RNF130: variants seen among roughly 807,000 people sequenced by gnomAD.
RNF130 encodes E3 ubiquitin-protein ligase RNF130.
RNF130 carries 21 observed loss-of-function variants against 44.6 expected under a neutral mutation model. That is an observed-to-expected ratio of 0.47 (90% CI 0.33 to 0.68). The LOEUF is 0.68. RNF130 is among the 30% of genes least tolerant of loss of function. The pLI is 0.02. For synonymous variants in RNF130, 214 were observed against 210.4 expected (o/e 1.02, Z -0.15); for missense variants, 479 against 560.6 (o/e 0.85, Z 1.47).
intron 7 of RNF130, 48 bp downstream of exon 7, chr5:179,966,758 C>T (rs1762457923): frequency 1.3e-6 from 2 of 1,555,242 alleles, no homozygotes; most frequent in Middle Eastern, 3.4e-4. Context: ...CCCGAATGCC[C>T]ACATAGGCAG....
chr5:179,983,864 T>C (rs935100574), intron 3 of RNF130, among the ~76,000 whole-genome samples: 15 of 152,224 alleles, frequency 9.9e-5, no homozygotes, highest in African/African-American at 3.4e-4. Context: ...TTTTGTCAGA[T>C]TTATTGTTAA....
intron 3 of RNF130, among the ~76,000 whole-genome samples, chr5:179,998,859 T>TATATATATATATATATATATATATATATA (rs1554103680): frequency 9.5e-4 from 84 of 88,534 alleles, no homozygotes; most frequent in South Asian, 1.5e-3. Context: ...CTAGTATTTT[T>TATATATATATATATATATATATATATATA]TATATATATA....
intron 7 of RNF130, among the ~76,000 whole-genome samples, chr5:179,944,058 G>A (rs980100071): frequency 1.1e-4 from 17 of 149,904 alleles, no homozygotes; most frequent in African/African-American, 7.4e-5. Flanking sequence ...TGCAACCTCC[G>A]CCTCCTGGGT....
chr5:180,001,760 G>A (rs887518153), intron 3 of RNF130, among the ~76,000 whole-genome samples: 2 of 152,088 alleles, frequency 1.3e-5, no homozygotes, highest in African/African-American at 2.4e-5. Flanking sequence ...GAGCTGTTGT[G>A]TGGACCCAGC....
At chr5:180,026,384 A>G (rs1475250335) in intron 2 of RNF130, among the ~76,000 whole-genome samples, 1 of 152,252 alleles carries the variant, frequency 6.6e-6, no homozygotes, top group Non-Finnish European at 1.5e-5. Context: ...AAATAAATCC[A>G]TAATTTTCAG....
chr5:180,008,023 A>T (rs1448874717), intron 3 of RNF130, among the ~76,000 whole-genome samples: 1 of 142,508 alleles, frequency 7.0e-6, no homozygotes, highest in Non-Finnish European at 1.5e-5. Flanking sequence ...GGTATATTAC[A>T]TGTTATAGGA....
At chr5:180,034,870 A>G (rs1163939259) in intron 2 of RNF130, among the ~76,000 whole-genome samples, 1 of 152,192 alleles carries the variant, frequency 6.6e-6, no homozygotes, top group East Asian at 1.9e-4. Flanking sequence ...ATATTCCTTT[A>G]TAATCCTTTA....
chr5:179,997,454 G>C (rs1366114848), intron 3 of RNF130, among the ~76,000 whole-genome samples: 5 of 152,136 alleles, frequency 3.3e-5, no homozygotes, highest in African/African-American at 1.2e-4. Flanking sequence ...CTCCCGAGTA[G>C]CTGGGACTAC....
intron 3 of RNF130, among the ~76,000 whole-genome samples, chr5:179,989,729 T>C (rs983222399): frequency 2.0e-5 from 3 of 152,220 alleles, no homozygotes; most frequent in Non-Finnish European, 4.4e-5. Flanking sequence ...GGTTCAAGGT[T>C]AACATTGATA....
At chr5:179,970,292 A>G in intron 6 of RNF130, 118 bp downstream of exon 6, 3 of 674,656 alleles carry the variant, frequency 4.4e-6, no homozygotes, top group African/African-American at 1.8e-5. Flanking sequence ...TGGCAAATAT[A>G]GCCAGTGTTT....
intron 1 of RNF130, among the ~76,000 whole-genome samples, chr5:180,067,629 CATAAAT>C (rs1364923724): frequency 2.6e-5 from 4 of 152,192 alleles, no homozygotes; most frequent in African/African-American, 7.2e-5. Context: ...TAAAGTTCAA[CATAAAT>C]ATAATTTATT....
chr5:179,955,223 T>G lies in RNF130; in HGVS notation c.*431A>C, dbSNP rs770978323. 3 of 155,780 alleles carry G rather than the reference T, an allele frequency of 1.9e-5. No homozygotes were observed. Among genetic ancestry groups the G allele is most frequent in the Non-Finnish European group, 4.2e-5 (3 of 70,848 alleles). The allele number at this position is 155,780 out of a possible 1,614,324, so 9.6% of individuals were successfully genotyped here. A position where few individuals can be genotyped will look rare whatever the true frequency, so the allele number is the denominator to read the frequency against. On this transcript the variant is annotated 3_prime_UTR_variant, in exon 9 of 9. Coordinates refer to ENST00000521389, the MANE Select transcript of RNF130 (RefSeq NM_018434.6). ...CCACAGAGAAGAAATTATCACAGAGTGAATGTCCCCCTTGAAGAATGAGTA... is the reference window on the plus strand; with the variant it reads ...CCACAGAGAAGAAATTATCACAGAGGGAATGTCCCCCTTGAAGAATGAGTA...
chr5:179,946,698 C>T (rs568763819), intron 7 of RNF130, among the ~76,000 whole-genome samples: 41 of 151,664 alleles, frequency 2.7e-4, no homozygotes, highest in African/African-American at 7.0e-4. Flanking sequence ...GGACTACAGG[C>T]GCCCGCCACC....
chr5:179,974,654 T>G (rs564666491), intron 5 of RNF130, among the ~76,000 whole-genome samples: 4 of 152,258 alleles, frequency 2.6e-5, no homozygotes, highest in African/African-American at 9.6e-5. Context: ...GAAGAGGCAG[T>G]GGGCAGGTGT....
intron 2 of RNF130, among the ~76,000 whole-genome samples, chr5:180,014,125 A>G (rs192913266): frequency 1.1e-3 from 170 of 152,340 alleles, no homozygotes; most frequent in African/African-American, 3.8e-3. Flanking sequence ...GTCTGCCCAC[A>G]AGCACAGGCT....
At chr5:179,974,207 C>T (rs145679857) in intron 5 of RNF130, among the ~76,000 whole-genome samples, 1,524 of 152,334 alleles carry the variant, frequency 0.01, 27 homozygotes, top group African/African-American at 0.034. Context: ...CCCTCGGCTG[C>T]AGTGGAGCCT....
At chr5:180,015,804 C>T (rs931197273) in intron 2 of RNF130, among the ~76,000 whole-genome samples, 6 of 150,892 alleles carry the variant, frequency 4.0e-5, no homozygotes, top group Admixed American at 3.3e-4. Context: ...CCAAGGAAAC[C>T]AATCCATGTG....
At chr5:180,064,927 TTC>T (rs10547660) in intron 1 of RNF130, among the ~76,000 whole-genome samples, 151,885 of 152,338 alleles carry the variant, frequency 1, 75,718 homozygotes, top group Middle Eastern at 1. Flanking sequence ...TTCCACTTAC[TTC>T]TCTCTAGGAT....
intron 3 of RNF130, among the ~76,000 whole-genome samples, chr5:179,999,648 C>T (rs897343662): frequency 1.3e-5 from 2 of 151,906 alleles, no homozygotes; most frequent in East Asian, 3.9e-4. Flanking sequence ...ACCCGGGAGG[C>T]GAAGGTTGCA....
Sources: gnomAD v4.1 joint callset for allele counts (sites outside exome capture counted in the v4.1 genomes callset) on GRCh38, gnomAD v4.1.1 for gene constraint, MANE v1.5 for transcripts, NCBI Gene and HGNC (gene_info 2026-07-23, HGNC 2026-07-21) for gene names.